PKD2: variants seen among roughly 807,000 people sequenced by gnomAD.
PKD2 encodes polycystin-2.
A neutral mutation model predicts 105.9 loss-of-function variants in PKD2; 48 were observed. The observed-to-expected ratio is 0.45, with a 90% CI of 0.36 to 0.58. The LOEUF (loss-of-function observed/expected upper bound fraction) is 0.58. Among genes scored for constraint, PKD2 ranks in the 20% least tolerant of loss-of-function variants. The probability of loss-of-function intolerance (pLI) is 0.00; values close to 1 mark genes in which losing one functional copy is unlikely to be tolerated. For synonymous variants in PKD2, 464 were observed against 481.1 expected (o/e 0.96, Z 0.46); for missense variants, 1,078 against 1,255.3 (o/e 0.86, Z 2.13).
intron 14 of PKD2, among the ~76,000 whole-genome samples, 185 bp from the exon 15 acceptor site, chr4:88,075,273 T>G (rs926019989): frequency 6.6e-6 from 1 of 152,198 alleles, no homozygotes; most frequent in Admixed American, 6.5e-5. Flanking sequence ...TAATACTCCA[T>G]ATGCTAATGG....
At chr4:88,049,652 TG>T (rs1203590904) in intron 6 of PKD2, among the ~76,000 whole-genome samples, 1 of 152,208 alleles carries the variant, frequency 6.6e-6, no homozygotes, top group East Asian at 1.9e-4. Flanking sequence ...TGTGCTCCAC[TG>T]GACCTTCAAA....
At chr4:88,033,941 A>G (rs1468186828) in intron 2 of PKD2, among the ~76,000 whole-genome samples, 2 of 152,168 alleles carry the variant, frequency 1.3e-5, no homozygotes, top group Non-Finnish European at 2.9e-5. Context: ...ACTCATGTCC[A>G]TCCTTTGCAT....
At chr4:88,015,569 T>C (rs1047476323) in intron 1 of PKD2, among the ~76,000 whole-genome samples, 4 of 151,876 alleles carry the variant, frequency 2.6e-5, no homozygotes, top group Admixed American at 6.6e-5. Flanking sequence ...CCCGAGTAGC[T>C]CACCACCACA....
intron 2 of PKD2, among the ~76,000 whole-genome samples, chr4:88,034,983 C>T (rs1334210973): frequency 6.6e-6 from 1 of 152,040 alleles, no homozygotes; most frequent in Non-Finnish European, 1.5e-5. Flanking sequence ...TATAGCAATC[C>T]AGTTAAGGAG....
At chr4:88,025,696 A>G (rs974199347) in intron 2 of PKD2, among the ~76,000 whole-genome samples, 1 of 152,162 alleles carries the variant, frequency 6.6e-6, no homozygotes, top group Non-Finnish European at 1.5e-5. Flanking sequence ...CTGTGTTGCC[A>G]CCCAGATCTC....
chr4:88,010,252 T>C (rs1224820572), intron 1 of PKD2, among the ~76,000 whole-genome samples: 1 of 152,190 alleles, frequency 6.6e-6, no homozygotes, highest in Non-Finnish European at 1.5e-5. Flanking sequence ...AAGCTGCTGC[T>C]CCTAGCTGAA....
At chr4:88,018,462 A>AC (rs1726635576) in intron 1 of PKD2, among the ~76,000 whole-genome samples, 2 of 152,238 alleles carry the variant, frequency 1.3e-5, no homozygotes, top group Non-Finnish European at 2.9e-5. Context: ...TGTGGAATCA[A>AC]AGCATGAGAC....
intron 1 of PKD2, 81 bp downstream of exon 1, chr4:88,008,409 C>G (rs1726269450): frequency 7.0e-7 from 1 of 1,437,864 alleles, no homozygotes; most frequent in Non-Finnish European, 9.1e-7. Flanking sequence ...GCTGCGGCAG[C>G]TCCCCGGGCT....
chr4:88,053,061 G>A (rs1365598620), intron 7 of PKD2, among the ~76,000 whole-genome samples: 2 of 152,200 alleles, frequency 1.3e-5, no homozygotes, highest in South Asian at 2.1e-4. Context: ...TTCTCAGGCA[G>A]CAGCTGCCAT....
At position 88,056,118 on chromosome 4, in the gene PKD2, G is replaced by A. The variant is rs758746102; in HGVS notation, c.1749G>A (p.Met583Ile). The A allele has an allele frequency of 6.2e-7, 1 of 1,613,510 alleles. No individual in the cohort carries two copies. The highest frequency in any genetic ancestry group is 8.5e-7 in the Non-Finnish European group (1 of 1,179,566). Residue 583 changes from methionine (M) to isoleucine (I), a missense_variant, in exon 8 of 15, where the codon ATG (methionine) becomes ATA (isoleucine). This residue lies in a region of PKD2 where 868 missense variants were observed against 1,067.3 expected (regional missense o/e 0.81). Transcript: ENST00000237596. ...LFKFINFNRT[M>I]SQLSTTMSRC... is the part of the protein sequence containing the mutation. ...AATTCATCAATTTTAACAGGACCAT[G>A]AGCCAGCTCTCGACAACCATGTCTC...
intron 4 of PKD2, among the ~76,000 whole-genome samples, chr4:88,040,758 C>T (rs1206063935): frequency 6.6e-6 from 1 of 152,194 alleles, no homozygotes; most frequent in Non-Finnish European, 1.5e-5. Flanking sequence ...AAGAACTCTA[C>T]ACTTTGGGTT....
chr4:88,067,481 A>G (rs564018720), intron 12 of PKD2, among the ~76,000 whole-genome samples: 1 of 152,168 alleles, frequency 6.6e-6, no homozygotes, highest in Admixed American at 6.5e-5. Flanking sequence ...GCAGGCATGC[A>G]TCACCATGCC....
chr4:88,060,323 T>C (rs1166919320), intron 9 of PKD2, among the ~76,000 whole-genome samples: 1 of 152,158 alleles, frequency 6.6e-6, no homozygotes, highest in Non-Finnish European at 1.5e-5. Flanking sequence ...TCATTTCTGC[T>C]ACAGAATTGT....
At chr4:88,044,039 C>G (rs1727677922) in intron 5 of PKD2, among the ~76,000 whole-genome samples, 2 of 152,126 alleles carry the variant, frequency 1.3e-5, no homozygotes, top group Non-Finnish European at 2.9e-5. Flanking sequence ...ACTGGCTTGT[C>G]TGGGACTCTT....
At position 88,046,950 on chromosome 4, in the gene PKD2, T is replaced by C. The variant is rs1490478050; in HGVS notation, c.1548+80T>C. ...AGAGTCTTTGATCTCCTCAGCATTG[T>C]GGATCTTGATATTCCCAAAAAAGAA... On this transcript the variant is annotated intron_variant, in intron 6 of 14. Coordinates refer to ENST00000237596, the MANE Select transcript of PKD2 (RefSeq NM_000297.4). 2.2e-5 allele frequency: 19 copies of C among 844,872 alleles called. No homozygotes were observed. The Admixed American group carries it at 3.3e-4, about 15-fold the overall frequency. 52.3% of individuals were successfully genotyped at this position (844,872 alleles called of 1,614,324 possible). A position where few individuals can be genotyped will look rare whatever the true frequency, so the allele number is the denominator to read the frequency against.
At chr4:88,043,638 G>A (rs1727662304) in intron 5 of PKD2, among the ~76,000 whole-genome samples, 181 bp downstream of exon 5, 1 of 152,134 alleles carries the variant, frequency 6.6e-6, no homozygotes, top group South Asian at 2.1e-4. Context: ...TTTGAGGAAG[G>A]GAGTTGGGAT....
intron 1 of PKD2, 89 bp downstream of exon 1, chr4:88,008,417 G>T: frequency 1.4e-6 from 2 of 1,426,936 alleles, no homozygotes; most frequent in Non-Finnish European, 1.8e-6. Context: ...AGCTCCCCGG[G>T]CTCCATCTCG....
chr4:88,030,223 C>G (rs1382677655), intron 2 of PKD2, among the ~76,000 whole-genome samples: 1 of 152,120 alleles, frequency 6.6e-6, no homozygotes, highest in African/African-American at 2.4e-5. Flanking sequence ...ATGAACACAG[C>G]TCACTGCAGC....
At chr4:88,054,650 CTTTTTTTTTTTTT>C (rs1184325520) in intron 7 of PKD2, among the ~76,000 whole-genome samples, 2 of 81,352 alleles carry the variant, frequency 2.5e-5, no homozygotes, top group Admixed American at 1.4e-4. Flanking sequence ...CATGACTCTA[CTTTTTTTTTTTTT>C]TTTTTTTTTG....
Sources: allele counts gnomAD v4.1 joint callset (sites outside exome capture counted in the v4.1 genomes callset), GRCh38; gene constraint gnomAD v4.1.1; regional missense constraint gnomAD v4.1.1; transcripts MANE v1.5; gene names NCBI Gene and HGNC (gene_info 2026-07-23, HGNC 2026-07-21).